FADS2: variants seen among roughly 807,000 people sequenced by gnomAD.
FADS2 encodes the protein acyl-CoA 6-desaturase.
FADS2 carries 18 observed loss-of-function variants against 61.2 expected under a neutral mutation model. That is an observed-to-expected ratio of 0.29 (90% CI 0.20 to 0.44). FADS2 has a LOEUF of 0.44. Among genes scored for constraint, FADS2 ranks in the 20% least tolerant of loss-of-function variants. The probability of loss-of-function intolerance (pLI) is 1.00; values close to 1 mark genes in which losing one functional copy is unlikely to be tolerated. For missense variants in FADS2, 322 were observed against 572.7 expected (o/e 0.56, Z 4.47); for synonymous variants, 203 against 223.9 (o/e 0.91, Z 0.83).
Position 61,865,656 on chromosome 11 carries a change from G to A in FADS2, c.1302G>A (p.Gly434=), listed in dbSNP as rs2067461849. Residue 434 remains glycine, a synonymous_variant, in exon 12 of 12, where the codon GGG becomes GGA. Transcript: ENST00000278840. The surrounding 1 kb of genome is among the most constrained non-coding windows in gnomAD (Gnocchi z 4.1). ...TTTGCAGGTCCCTGAAGAAGTCTGG[G>A]AAGCTGTGGCTGGACGCCTACCTTC... ...LDIIRSLKKS[G]KLWLDAYLHK The A allele has an allele frequency of 1.2e-6, 2 of 1,613,040 alleles. No homozygotes were observed. Among genetic ancestry groups the A allele is most frequent in the African/African-American group, 1.3e-5 (1 of 74,910 alleles).
intron 4 of FADS2, chr11:61,847,357 C>T (rs1230813738): frequency 1.3e-5 from 2 of 152,152 alleles, no homozygotes; most frequent in Non-Finnish European, 2.9e-5. Flanking sequence ...CGTTTCTTAG[C>T]CATCACATCC....
At chr11:61,840,757 G>A (rs541993181) in intron 4 of FADS2, 32 bp downstream of exon 4, 2 of 1,496,738 alleles carry the variant, frequency 1.3e-6, no homozygotes, top group Non-Finnish European at 9.3e-7. Context: ...CATCTGTCCT[G>A]TTGGACAGCA....
chr11:61,830,771 T>G (rs1417961737), intron 1 of FADS2, among the ~76,000 whole-genome samples: 1 of 152,236 alleles, frequency 6.6e-6, no homozygotes, highest in Non-Finnish European at 1.5e-5. Context: ...AAGGTACACC[T>G]GTACCTGTTT....
intron 5 of FADS2, chr11:61,855,730 C>T (rs1051663950): frequency 5.3e-5 from 8 of 152,280 alleles, no homozygotes; most frequent in African/African-American, 1.9e-4. Context: ...TCCATGCTCT[C>T]CCTGTGATTT....
Position 61,865,313 on chromosome 11 carries a change from GA to G in FADS2, c.1283+37del, listed in dbSNP as rs760978425. 6.2e-7 allele frequency: 1 copy of G among 1,607,994 alleles called. No homozygotes were observed. Among genetic ancestry groups the G allele is most frequent in the South Asian group, 1.1e-5 (1 of 90,436 alleles). On this transcript the variant is annotated intron_variant, in intron 11 of 11. Coordinates refer to ENST00000278840, the MANE Select transcript of FADS2 (RefSeq NM_004265.4). The surrounding 1 kb of genome is among the most constrained non-coding windows in gnomAD (Gnocchi z 4.1). ...GAGGTCCACAGGCGCTGGGCCCTGG[GA>G]TCACCCGTGGTGCAGACAGTGGGAT...
intron 5 of FADS2, among the ~76,000 whole-genome samples, chr11:61,849,525 G>GCTACAGTGAGCTATGATCACA (rs957995436): frequency 4.6e-5 from 7 of 151,280 alleles, no homozygotes; most frequent in African/African-American, 1.7e-4. Context: ...GGAGGTTGAG[G>GCTACAGTGAGCTATGATCACA]CTACAGTGAG....
intron 1 of FADS2, among the ~76,000 whole-genome samples, chr11:61,818,848 T>C (rs1591159094): frequency 7.4e-6 from 1 of 134,358 alleles, no homozygotes; most frequent in African/African-American, 2.5e-5. Context: ...GAAAAAATAG[T>C]TTGACAACTT....
chr11:61,843,605 G>A (rs1222282201), intron 4 of FADS2, among the ~76,000 whole-genome samples: 3 of 152,138 alleles, frequency 2.0e-5, no homozygotes, highest in Non-Finnish European at 4.4e-5. Flanking sequence ...CAAATTCTAA[G>A]GGGACACCAG....
intron 2 of FADS2, among the ~76,000 whole-genome samples, chr11:61,838,264 A>G (rs1398639367): frequency 6.6e-6 from 1 of 152,098 alleles, no homozygotes; most frequent in Non-Finnish European, 1.5e-5. Context: ...AAGAATGACC[A>G]TTCCCTGGTC....
intron 4 of FADS2, among the ~76,000 whole-genome samples, chr11:61,846,084 A>C (rs1382505026): frequency 1.3e-5 from 2 of 148,304 alleles, no homozygotes; most frequent in Admixed American, 6.7e-5. Context: ...ACAAACGCAA[A>C]TGTGTCATTT....
Position 61,866,828 on chromosome 11 carries a change from A to G in FADS2, c.*1139A>G, listed in dbSNP as rs2067475083. On this transcript the variant is annotated 3_prime_UTR_variant, in exon 12 of 12. Coordinates refer to ENST00000278840, the MANE Select transcript of FADS2 (RefSeq NM_004265.4). ...GGCGGCAGGGCTGGGCCTTGTGACA[A>G]TCTGCCTTTCACCACATGGCCTTGC... The G allele has an allele frequency of 6.6e-6, 1 of 152,608 alleles. No individual in the cohort carries two copies. Among genetic ancestry groups the G allele is most frequent in the African/African-American group, 2.4e-5 (1 of 41,388 alleles). 9.5% of individuals were successfully genotyped at this position (152,608 alleles called of 1,614,324 possible). A position where few individuals can be genotyped will look rare whatever the true frequency, so the allele number is the denominator to read the frequency against.
At chr11:61,820,737 T>A (rs1399236722) in intron 1 of FADS2, among the ~76,000 whole-genome samples, 1 of 151,844 alleles carries the variant, frequency 6.6e-6, no homozygotes, top group African/African-American at 2.4e-5. Flanking sequence ...CTGTCTCTAC[T>A]AAAATACAAA....
intron 5 of FADS2, among the ~76,000 whole-genome samples, chr11:61,850,466 G>T (rs1373374962): frequency 2.0e-5 from 3 of 152,006 alleles, no homozygotes; most frequent in African/African-American, 7.2e-5. Flanking sequence ...GGCCAGGCTG[G>T]TCTTGAACTC....
At chr11:61,829,786 G>A (rs906812563) in intron 1 of FADS2, among the ~76,000 whole-genome samples, 1 of 152,136 alleles carries the variant, frequency 6.6e-6, no homozygotes, top group Non-Finnish European at 1.5e-5. Flanking sequence ...CTGTTGGTGG[G>A]CTTTTGCTCT....
intron 1 of FADS2, among the ~76,000 whole-genome samples, chr11:61,820,515 A>G (rs977145895): frequency 6.6e-6 from 1 of 152,164 alleles, no homozygotes; most frequent in African/African-American, 2.4e-5. Flanking sequence ...TAACGAGCTT[A>G]TAATCCAGGA....
chr11:61,837,659 G>T, intron 1 of FADS2, 119 bp from the exon 2 acceptor site: 2 of 692,368 alleles, frequency 2.9e-6, no homozygotes, highest in Non-Finnish European at 5.1e-6. Flanking sequence ...GATCACAGGA[G>T]ACCCCGTTTG....
chr11:61,856,756 T>A, intron 5 of FADS2: 2 of 503,858 alleles, frequency 4.0e-6, no homozygotes, highest in East Asian at 6.3e-5. Flanking sequence ...GTGCCGGCCT[T>A]GTAGAGGATC....
chr11:61,838,302 C>A (rs1196003629), intron 2 of FADS2, among the ~76,000 whole-genome samples: 1 of 151,530 alleles, frequency 6.6e-6, no homozygotes, highest in Non-Finnish European at 1.5e-5. Context: ...AGGTCAGACG[C>A]CCCCCTGGGT....
intron 7 of FADS2, 82 bp downstream of exon 7, chr11:61,857,612 C>G: frequency 1.6e-6 from 2 of 1,251,354 alleles, no homozygotes; most frequent in East Asian, 4.7e-5. Context: ...GCTGCCTCCT[C>G]GTGTGCCCCA....
Sources: gnomAD v4.1 joint callset for allele counts (sites outside exome capture counted in the v4.1 genomes callset) on GRCh38, gnomAD v4.1.1 for gene constraint, Gnocchi (gnomAD v3.1) non-coding constraint, MANE v1.5 for transcripts, NCBI Gene and HGNC (gene_info 2026-07-23, HGNC 2026-07-21) for gene names.